IL10RA: variants seen among roughly 807,000 people sequenced by gnomAD.
IL10RA encodes the protein interleukin-10 receptor subunit alpha.
In IL10RA, 18 loss-of-function variants were observed where a neutral mutation model predicts 29.6. That is an observed-to-expected ratio of 0.61 (90% CI 0.42 to 0.90). The LOEUF is 0.90. IL10RA is among the 40% of genes least tolerant of loss of function. The pLI is 0.00. For missense variants in IL10RA, 634 were observed against 716.6 expected (o/e 0.88, Z 1.32); for synonymous variants, 292 against 294.1 (o/e 0.99, Z 0.07).
chr11:117,992,995 T>C (rs753418139), intron 3 of IL10RA: 7 of 526,242 alleles, frequency 1.3e-5, no homozygotes, highest in Non-Finnish European at 2.4e-5. Flanking sequence ...GAAAATCAAT[T>C]GTGGGTTTAT....
downstream of IL10RA, chr11:118,001,685 A>G: frequency 3.4e-6 from 1 of 290,790 alleles, no homozygotes; most frequent in South Asian, 3.3e-5. Context: ...TATCCTCTCC[A>G]AGTTTTAATT....
rs2058079673 is a variant in IL10RA, at chr11:117,999,511, T to C, written c.1607T>C (p.Ile536Thr). 6.2e-7 allele frequency: 1 copy of C among 1,614,194 alleles called. No homozygotes were observed. The highest frequency in any genetic ancestry group is 1.1e-5 in the South Asian group (1 of 91,084). The stretch of plus-strand genomic sequence containing the variant: ...TTGAGCAGCTGCAGTGACCTGGGAA[T>C]ATCTGACTGGAGCTTTGCCCATGAC... ...LALSSCSDLG[I>T]SDWSFAHDLA... Residue 536 changes from isoleucine (I) to threonine (T), a missense_variant, in exon 7 of 7, where the codon ATA becomes ACA. Ile to Thr is a moderately conservative substitution (Grantham distance 89). Transcript: ENST00000227752.
intron 6 of IL10RA, among the ~76,000 whole-genome samples, chr11:117,997,528 A>G (rs141698242): frequency 5.8e-4 from 88 of 152,292 alleles, no homozygotes; most frequent in African/African-American, 1.9e-3. Context: ...AACCAATAAG[A>G]GCTGCATTTG....
chr11:117,986,662 C>T, intron 1 of IL10RA, 128 bp downstream of exon 1: 1 of 1,536,970 alleles, frequency 6.5e-7, no homozygotes, highest in Non-Finnish European at 8.7e-7. Flanking sequence ...TGCTCCCTTA[C>T]TCTGGCAAAC....
chr11:117,987,287 G>A, intron 1 of IL10RA: 1 of 195,364 alleles, frequency 5.1e-6, no homozygotes. Flanking sequence ...GAGATGTGCA[G>A]CCCAAATACC....
Position 117,989,779 on chromosome 11 carries a change from T to A in IL10RA, c.367+159T>A. ...AAACAGGGCAGGACTTTGGAGAATG[T>A]TAGATAAAAATAGCCCAAGTTGTTT... On this transcript the variant is annotated intron_variant, in intron 3 of 6. Transcript: ENST00000227752. The surrounding 1 kb of genome is among the most constrained non-coding windows in gnomAD (Gnocchi z 4.5). 3 of 748,160 alleles carry A rather than the reference T, an allele frequency of 4.0e-6. No individual in the cohort carries two copies. Among genetic ancestry groups the A allele is most frequent in the South Asian group, 1.5e-5 (1 of 66,282 alleles). The allele number at this position is 748,160 out of a possible 1,614,324, so 46.3% of individuals were successfully genotyped here.
rs199856057 is a variant in IL10RA at position 117,998,780 on chromosome 11, C to T, written c.876C>T (p.Thr292=). 6.8e-6 allele frequency: 11 copies of T among 1,614,170 alleles called. No individual in the cohort carries two copies. Among genetic ancestry groups the T allele is most frequent in the Non-Finnish European group, 9.3e-6 (11 of 1,180,030 alleles). ...SQRPSPETQD[T]IHPLDEEAFL... ...GTCCCTCCCCAGAGACCCAAGACAC[C>T]ATCCACCCGCTTGATGAGGAGGCCT... is the stretch of plus-strand genomic sequence containing the variant. Residue 292 remains threonine (T), a synonymous_variant, in exon 7 of 7, where the codon ACC becomes ACT. Coordinates refer to ENST00000227752, the MANE Select transcript of IL10RA (RefSeq NM_001558.4).
At chr11:117,988,523 A>AG in intron 2 of IL10RA, 21 bp downstream of exon 2, 1 of 1,610,874 alleles carries the variant, frequency 6.2e-7, no homozygotes, top group African/African-American at 1.3e-5. Context: ...GGGAAGAGGG[A>AG]GGGGGAGGGA....
intron 2 of IL10RA, 103 bp downstream of exon 2, chr11:117,988,605 C>A (rs1321687985): frequency 3.0e-6 from 4 of 1,329,586 alleles, no homozygotes; most frequent in East Asian, 2.4e-5. Flanking sequence ...GAAGTGAGTG[C>A]CTGAGGGCCC....
rs1439874336 is a variant in IL10RA, at chr11:117,998,848, G to A, written c.944G>A (p.Gly315Asp). The change falls in exon 7 of 7, where the codon GGC (glycine) becomes GAC (aspartate). Residue 315 changes from glycine (G) to aspartate (D), a missense_variant. By Grantham distance (94) the Gly-to-Asp change is moderately conservative (BLOSUM62 -1). Transcript: ENST00000227752. The part of the protein sequence containing the change: ...SPELKNLDLH[G>D]STDSGFGSTK... ...GAGCTGAAGAACTTGGACCTGCACGGCAGCACAGACAGTGGCTTTGGCAGC... is the reference window on the plus strand; with the variant it reads ...GAGCTGAAGAACTTGGACCTGCACGACAGCACAGACAGTGGCTTTGGCAGC... The A allele has an allele frequency of 1.9e-6, 3 of 1,614,198 alleles. No individual in the cohort carries two copies. Among genetic ancestry groups the A allele is most frequent in the Non-Finnish European group, 2.5e-6 (3 of 1,180,032 alleles).
At position 117,999,465 on chromosome 11, in the gene IL10RA, G is replaced by A. The variant is rs757477820; in HGVS notation, c.1561G>A (p.Glu521Lys). The A allele has an allele frequency of 1.6e-5, 26 of 1,614,212 alleles. No homozygotes were observed. The South Asian group carries it at 2.5e-4, about 16-fold the overall frequency. ...AACGGGACAGTGGAACCAGCCCACT[G>A]AGGAATGGTCACTCCTGGCCTTGAG... The part of the protein sequence containing the change: ...APTGQWNQPT[E>K]EWSLLALSSC... Residue 521 changes from glutamate to lysine, a missense_variant, in exon 7 of 7, where the codon GAG becomes AAG. Glu to Lys is a moderately conservative substitution (Grantham distance 56). Coordinates refer to ENST00000227752, the MANE Select transcript of IL10RA (RefSeq NM_001558.4).
At chr11:117,986,961 A>C (rs1385224188) in intron 1 of IL10RA, 4 of 672,348 alleles carry the variant, frequency 5.9e-6, no homozygotes, top group East Asian at 6.5e-5. Context: ...TCTCACCTTC[A>C]TCCCTCACTG....
chr11:117,995,562 C>T (rs747956950), intron 5 of IL10RA, 27 bp from the exon 6 acceptor site: 1 of 1,613,832 alleles, frequency 6.2e-7, no homozygotes, highest in Non-Finnish European at 8.5e-7. Flanking sequence ...GGTGACAGGC[C>T]ACAAACACAT....
In IL10RA at chr11:117,989,305, G is replaced by A; in HGVS notation, c.189-137G>A. ...AGACCCCTCACAATGAGCTGCCGTG[G>A]ACTAGAGGATATAGCCTGAGGGCTG... On this transcript the variant is annotated intron_variant, in intron 2 of 6. Transcript: ENST00000227752. The surrounding 1 kb of genome is among the most constrained non-coding windows in gnomAD (Gnocchi z 4.5). The A allele has an allele frequency of 1.2e-6, 1 of 804,160 alleles. No individual in the cohort carries two copies. Among genetic ancestry groups the A allele is most frequent in the East Asian group, 2.5e-5 (1 of 39,704 alleles). The allele number at this position is 804,160 out of a possible 1,614,324, so 49.8% of individuals were successfully genotyped here. A position where few individuals can be genotyped will look rare whatever the true frequency, so the allele number is the denominator to read the frequency against.
At position 118,001,075 on chromosome 11, in the gene IL10RA, A is replaced by G. The variant is rs1193511260; in HGVS notation, c.*1434A>G. ...TTCTGGCCCAGGGAATCCAGCCATG[A>G]CCCCCACCCCTCTGCCAAAGTACTC... On this transcript the variant is annotated 3_prime_UTR_variant, in exon 7 of 7. Coordinates refer to ENST00000227752, the MANE Select transcript of IL10RA (RefSeq NM_001558.4). 2 of 453,850 alleles carry G rather than the reference A, an allele frequency of 4.4e-6. No individual in the cohort carries two copies. The highest frequency in any genetic ancestry group is 4.0e-5 in the African/African-American group (2 of 49,900). The allele number at this position is 453,850 out of a possible 1,614,324, so 28.1% of individuals were successfully genotyped here.
intron 3 of IL10RA, 64 bp from the exon 4 acceptor site, chr11:117,993,177 G>T (rs2058034436): frequency 6.8e-7 from 1 of 1,470,910 alleles, no homozygotes; most frequent in East Asian, 2.3e-5. Flanking sequence ...TCTCGGCGGG[G>T]ACACCCAGGC....
rs2058042622 is a variant in IL10RA at position 117,994,300 on chromosome 11, T to C, written c.688+151T>C. On this transcript the variant is annotated intron_variant, in intron 5 of 6. Transcript: ENST00000227752. ...ATCCTTAATAGGAGAGAGGTCCTAC[T>C]GTCCTCATTTTAGAGATGAGGGAAC... The C allele has an allele frequency of 4.6e-6, 3 of 652,122 alleles. No individual in the cohort carries two copies. In the South Asian group the frequency reaches 5.9e-5, roughly 13 times the overall value. 40.4% of individuals were successfully genotyped at this position (652,122 alleles called of 1,614,324 possible).
At chr11:117,993,194 C>T in intron 3 of IL10RA, 47 bp from the exon 4 acceptor site, 1 of 1,575,170 alleles carries the variant, frequency 6.3e-7, no homozygotes, top group Non-Finnish European at 8.7e-7. Flanking sequence ...AGGCCCTCCT[C>T]AGCCCTCAAG....
Position 117,986,464 on chromosome 11 carries a change from C to T in IL10RA, c.-4C>T, listed in dbSNP as rs1185184063. ...CCGGCCCCGGACGATGCGGCGCGCCCAGGATGCTGCCGTGCCTCGTAGTGC... is the reference window on the plus strand; with the variant it reads ...CCGGCCCCGGACGATGCGGCGCGCCTAGGATGCTGCCGTGCCTCGTAGTGC... On this transcript the variant is annotated 5_prime_UTR_variant, in exon 1 of 7. It introduces an in-frame stop codon into an upstream open reading frame of the 5' UTR. Coordinates refer to ENST00000227752, the MANE Select transcript of IL10RA (RefSeq NM_001558.4). 6.4e-6 allele frequency: 10 copies of T among 1,552,700 alleles called. No individual in the cohort carries two copies. Among genetic ancestry groups the T allele is most frequent in the Non-Finnish European group, 8.7e-6 (10 of 1,148,350 alleles).
Sources: allele counts gnomAD v4.1 joint callset (sites outside exome capture counted in the v4.1 genomes callset), GRCh38; gene constraint gnomAD v4.1.1; non-coding constraint Gnocchi (gnomAD v3.1); transcripts MANE v1.5; gene names NCBI Gene and HGNC (gene_info 2026-07-23, HGNC 2026-07-21).